The following SLC44A5 variants were observed in gnomAD, a reference collection of about 807,000 sequenced individuals.
SLC44A5 encodes solute carrier family 44 member 5.
In SLC44A5, 57 loss-of-function variants were observed where a neutral mutation model predicts 101.8. The ratio of observed to expected loss-of-function variants is 0.56; its 90% CI spans 0.45 to 0.70. The LOEUF is 0.70. Ranked by LOEUF, SLC44A5 falls within the 30% of genes least tolerant of loss-of-function variation. The pLI is 0.00. For missense variants in SLC44A5, 737 were observed against 853.1 expected (o/e 0.86, Z 1.70); for synonymous variants, 281 against 290.9 (o/e 0.97, Z 0.35).
chr1:75,637,651 T>C, the SLC44A5 span, among the ~76,000 whole-genome samples: 1 of 152,014 alleles, frequency 6.6e-6, no homozygotes, highest in Non-Finnish European at 1.5e-5. Context: ...AATGACAATA[T>C]TTTTGGTGAT....
chr1:75,720,346 T>C, the SLC44A5 span: 6 of 152,214 alleles, frequency 3.9e-5, no homozygotes, highest in Non-Finnish European at 8.8e-5. Context: ...TAGTCCTGCT[T>C]ACCTTGAAAT....
chr1:75,412,948 A>G lies in SLC44A5; in HGVS notation c.14-16327T>C, dbSNP rs1028634217. ...CCTCTGACATACCATCAGAAGGTCA[A>G]TAGTAGCCTAATGCTACATCACAAT... On this transcript the variant is annotated intron_variant, in intron 2 of 23. Transcript: ENST00000370859. 2.6e-5 allele frequency among the ~76,000 whole-genome samples: 4 copies of G among 152,294 alleles called. No homozygotes were observed. In the East Asian group the frequency reaches 5.8e-4, roughly 22 times the overall value.
chr1:75,302,288 A>G (rs1003892980), intron 4 of SLC44A5, among the ~76,000 whole-genome samples: 14 of 151,962 alleles, frequency 9.2e-5, no homozygotes, highest in Admixed American at 2.0e-4. Context: ...GCATACAGGT[A>G]AGAAACTCAG....
chr1:75,391,567 G>C (rs1185440511), intron 3 of SLC44A5, among the ~76,000 whole-genome samples: 3 of 152,032 alleles, frequency 2.0e-5, no homozygotes, highest in Non-Finnish European at 4.4e-5. Flanking sequence ...AAATAAAGCT[G>C]CACTCCTACA....
intron 4 of SLC44A5, among the ~76,000 whole-genome samples, chr1:75,303,513 C>T (rs749176110): frequency 3.0e-4 from 46 of 152,328 alleles, no homozygotes; most frequent in Admixed American, 7.2e-4. Context: ...GGATTACGGG[C>T]GTGAGCCACC....
the SLC44A5 span, among the ~76,000 whole-genome samples, chr1:75,663,733 A>G: frequency 6.6e-6 from 1 of 152,312 alleles, no homozygotes; most frequent in South Asian, 2.1e-4. Flanking sequence ...AGCTGGTACC[A>G]ATTCTACTGA....
chr1:75,640,397 T>C, the SLC44A5 span, among the ~76,000 whole-genome samples: 1 of 152,158 alleles, frequency 6.6e-6, no homozygotes, highest in South Asian at 2.1e-4. Flanking sequence ...TTGCTGTATA[T>C]CTGCTGATAT....
chr1:75,226,232 G>A (rs1214158317), intron 13 of SLC44A5, among the ~76,000 whole-genome samples: 2 of 152,088 alleles, frequency 1.3e-5, no homozygotes, highest in Non-Finnish European at 1.5e-5. Context: ...TAAGAAGTTG[G>A]AGTTTGATAC....
intron 6 of SLC44A5, among the ~76,000 whole-genome samples, chr1:75,269,718 A>G (rs1651303521): frequency 6.6e-6 from 1 of 152,138 alleles, no homozygotes; most frequent in Non-Finnish European, 1.5e-5. Flanking sequence ...TATTTTTAAT[A>G]GGATTTCTTT....
intron 2 of SLC44A5, among the ~76,000 whole-genome samples, chr1:75,520,642 A>C (rs1344215758): frequency 6.6e-6 from 1 of 152,150 alleles, no homozygotes; most frequent in East Asian, 1.9e-4. Context: ...GGGAATGATA[A>C]ACTATAAGAA....
At chr1:75,259,800 A>G (rs1278462563) in intron 6 of SLC44A5, among the ~76,000 whole-genome samples, 1 of 152,194 alleles carries the variant, frequency 6.6e-6, no homozygotes, top group Non-Finnish European at 1.5e-5. Flanking sequence ...GTTACCCACA[A>G]CGGGAAGCCC....
At chr1:75,715,283 TA>T in the SLC44A5 span, among the ~76,000 whole-genome samples, 4,816 of 152,126 alleles carry the variant, frequency 0.032, 257 homozygotes, top group African/African-American at 0.11. Flanking sequence ...TCACAGAGTT[TA>T]AAAAAACAAT....
chr1:75,302,186 C>G (rs1385370158), intron 4 of SLC44A5, among the ~76,000 whole-genome samples: 19 of 115,338 alleles, frequency 1.6e-4, no homozygotes, highest in Non-Finnish European at 2.8e-4. Context: ...AGCAGGGTAT[C>G]TGTTTCACCT....
intron 1 of SLC44A5, among the ~76,000 whole-genome samples, chr1:75,581,926 GCTT>G (rs1416340688): frequency 1.3e-5 from 2 of 152,210 alleles, no homozygotes; most frequent in African/African-American, 4.8e-5. Flanking sequence ...CTGATGCCAT[GCTT>G]CTTGTACAGC....
chr1:75,343,406 A>G (rs1047391669), intron 3 of SLC44A5, among the ~76,000 whole-genome samples: 5 of 152,218 alleles, frequency 3.3e-5, no homozygotes, highest in Non-Finnish European at 7.3e-5. Flanking sequence ...GGCAGATTTC[A>G]CATGGCTCCA....
At chr1:75,430,634 A>C (rs1243997468) in intron 2 of SLC44A5, among the ~76,000 whole-genome samples, 2 of 152,194 alleles carry the variant, frequency 1.3e-5, no homozygotes, top group African/African-American at 4.8e-5. Context: ...CTCAGACTTT[A>C]ATATGAAGGC....
intron 6 of SLC44A5, among the ~76,000 whole-genome samples, chr1:75,257,509 G>A (rs1304055345): frequency 6.6e-6 from 1 of 152,140 alleles, no homozygotes; most frequent in Non-Finnish European, 1.5e-5. Flanking sequence ...AGCATGCTCA[G>A]CCAGGATCAG....
rs1570755963 is a variant in SLC44A5, at chr1:75,354,670, T to C, written c.53-15040A>G. 2.6e-5 allele frequency among the ~76,000 whole-genome samples: 4 copies of C among 152,146 alleles called. No homozygotes were observed. The East Asian group carries it at 7.7e-4, about 29-fold the overall frequency. ...ACTTCGTCACCCCCACGACCTGGTG[T>C]TGGGTCTGATCACTCCGACACAGAA... On this transcript the variant is annotated intron_variant, in intron 3 of 23. Coordinates refer to ENST00000370859, the MANE Select transcript of SLC44A5 (RefSeq NM_001130058.2).
intron 1 of SLC44A5, among the ~76,000 whole-genome samples, chr1:75,549,419 C>T (rs894874384): frequency 3.3e-5 from 5 of 152,086 alleles, no homozygotes; most frequent in African/African-American, 4.8e-5. Flanking sequence ...AATTCTCCAC[C>T]GCCCCACTCT....
Sources: gnomAD v4.1 joint callset for allele counts (sites outside exome capture counted in the v4.1 genomes callset) on GRCh38, gnomAD v4.1.1 for gene constraint, MANE v1.5 for transcripts, NCBI Gene and HGNC (gene_info 2026-07-23, HGNC 2026-07-21) for gene names.